Variants in KCNJ6 observed in about 807,000 individuals in gnomAD.
KCNJ6 encodes potassium inwardly rectifying channel subfamily J member 6.
Under a neutral mutation model 34.2 loss-of-function variants are expected in KCNJ6, and 9 were observed. The observed-to-expected ratio is 0.26, with a 90% confidence interval of 0.16 to 0.46. The LOEUF (loss-of-function observed/expected upper bound fraction) is 0.46, where lower values mean the gene tolerates loss of function less well. KCNJ6 is among the 20% of genes least tolerant of loss of function. KCNJ6 has a pLI of 1.00. For synonymous variants in KCNJ6, 196 were observed against 207.1 expected, an observed-to-expected ratio of 0.95 and a Z score of 0.46; for missense variants, 236 against 531.3, an observed-to-expected ratio of 0.44 and a Z score of 5.46.
rs191740841 is a variant in KCNJ6 at position 37,780,493 on chromosome 21, G to A, written c.25+60165C>T. Among the ~76,000 whole-genome samples the A allele has an allele frequency of 2.6e-5, 4 of 152,038 alleles. No homozygotes were observed. The East Asian group carries it at 7.7e-4, about 29-fold the overall frequency. The stretch of plus-strand genomic sequence containing the variant: ...TAGCTGATAATAATATATCAATACT[G>A]GTTCATCAGTATTGTTACAATCATA... On this transcript the variant is annotated intron_variant, in intron 2 of 3. Coordinates refer to ENST00000609713, the MANE Select transcript of KCNJ6 (RefSeq NM_002240.5).
At chr21:37,850,378 C>G (rs1052739163) in intron 1 of KCNJ6, among the ~76,000 whole-genome samples, 1 of 152,032 alleles carries the variant, frequency 6.6e-6, no homozygotes, top group Admixed American at 6.6e-5. Context: ...ATGAGGTGAG[C>G]AGTAGGTGAG....
intron 1 of KCNJ6, among the ~76,000 whole-genome samples, chr21:37,843,456 T>C (rs911597753): frequency 3.3e-5 from 5 of 152,170 alleles, no homozygotes; most frequent in Admixed American, 1.3e-4. Context: ...AGTTATTCTA[T>C]TGGATGTCTC....
At chr21:37,815,351 T>A (rs936253199) in intron 2 of KCNJ6, among the ~76,000 whole-genome samples, 2 of 152,224 alleles carry the variant, frequency 1.3e-5, no homozygotes, top group Non-Finnish European at 1.5e-5. Flanking sequence ...ATGCATTGCA[T>A]GCCTGTGTCA....
intron 2 of KCNJ6, among the ~76,000 whole-genome samples, chr21:37,718,319 T>C (rs565310543): frequency 1.3e-5 from 2 of 152,352 alleles, no homozygotes; most frequent in African/African-American, 2.4e-5. Flanking sequence ...ACCCATTATA[T>C]ATTTTGTGTC....
chr21:37,655,237 GA>G lies in KCNJ6; in HGVS notation c.947-29754del, dbSNP rs2054457112. ...TGTGTGTGTGTGTGAGAGAGAGAGA[GA>G]GAGAGAGAGAGAGAGAGAGAGAGAG... On this transcript the variant is annotated intron_variant, in intron 3 of 3. Transcript: ENST00000609713. 4.9e-4 allele frequency among the ~76,000 whole-genome samples: 2 copies of G among 4,058 alleles called. 1 individual carries two copies. The highest frequency in any genetic ancestry group is 1.8e-3 in the African/African-American group (2 of 1,118). 2.7% of individuals were successfully genotyped at this position (4,058 alleles called of 152,430 possible). A position where few individuals can be genotyped will look rare whatever the true frequency, so the allele number is the denominator to read the frequency against.
chr21:37,692,340 C>T (rs1333301764), intron 3 of KCNJ6, among the ~76,000 whole-genome samples: 4 of 151,458 alleles, frequency 2.6e-5, no homozygotes, highest in Non-Finnish European at 1.5e-5. Flanking sequence ...TTTTTTCCTT[C>T]AGAATAATTT....
intron 3 of KCNJ6, among the ~76,000 whole-genome samples, chr21:37,642,490 ATGG>A (rs894966662): frequency 5.9e-5 from 9 of 152,194 alleles, no homozygotes; most frequent in African/African-American, 2.2e-4. Flanking sequence ...GGATTCAAAC[ATGG>A]TGGTCAAAGC....
At chr21:37,823,934 A>G (rs73411884) in intron 2 of KCNJ6, among the ~76,000 whole-genome samples, 4,002 of 151,488 alleles carry the variant, frequency 0.026, 142 homozygotes, top group African/African-American at 0.082. Context: ...TATGCATTGT[A>G]TACTTGAAAT....
chr21:37,863,486 G>A (rs2055604918), intron 1 of KCNJ6, among the ~76,000 whole-genome samples: 1 of 152,144 alleles, frequency 6.6e-6, no homozygotes, highest in Admixed American at 6.5e-5. Flanking sequence ...ATTTTTGAGA[G>A]TTTATTCTTC....
chr21:37,886,982 C>T (rs1183269565), intron 1 of KCNJ6, among the ~76,000 whole-genome samples: 1 of 148,722 alleles, frequency 6.7e-6, no homozygotes, highest in African/African-American at 2.5e-5. Context: ...TCTGTTCCGG[C>T]TGACAGACAG....
intron 3 of KCNJ6, among the ~76,000 whole-genome samples, chr21:37,705,267 G>A (rs77586329): frequency 0.017 from 2,609 of 152,324 alleles, 34 homozygotes; most frequent in Middle Eastern, 0.044. Flanking sequence ...ATAGACTGGG[G>A]AAGGGGCAGC....
chr21:37,874,071 A>G (rs926726271), intron 1 of KCNJ6, among the ~76,000 whole-genome samples: 12 of 152,000 alleles, frequency 7.9e-5, no homozygotes, highest in African/African-American at 2.7e-4. Context: ...CTCTGCCTCC[A>G]TCTCTCTTAA....
rs1305816980 is a variant in KCNJ6, at chr21:37,736,423, A to AT, written c.26-21293dup. Among the ~76,000 whole-genome samples the AT allele has an allele frequency of 3.9e-5, 6 of 152,332 alleles. No individual in the cohort carries two copies. In the South Asian group the frequency reaches 1.2e-3, roughly 32 times the overall value. On this transcript the variant is annotated intron_variant, in intron 2 of 3. Transcript: ENST00000609713. ...GGTAATGAGAATGTTTTGGAACATG[A>AT]TGGAGTTGTTGGCTGCACAACATCA... is the stretch of plus-strand genomic sequence containing the variant.
chr21:37,805,919 C>T (rs2055291353), intron 2 of KCNJ6, among the ~76,000 whole-genome samples: 1 of 152,184 alleles, frequency 6.6e-6, no homozygotes, highest in Non-Finnish European at 1.5e-5. Context: ...CAGCATGACC[C>T]TGTTGACATC....
chr21:37,715,083 A>G lies in KCNJ6; in HGVS notation c.74T>C (p.Val25Ala). ...DSMDQDVESP[V>A]AIHQPKLPKQ... ...AGGCAACTTTGGCTGGTGAATGGCC[A>G]CTGGGCTTTCGACGTCCTGATCCAT... is the stretch of plus-strand genomic sequence containing the variant. Residue 25 changes from valine (V) to alanine (A), a missense_variant, in exon 3 of 4, where the codon GTG (valine) becomes GCG (alanine). This residue lies in a region of KCNJ6 where 64 missense variants were observed against 68.9 expected (regional missense o/e 0.93). Transcript: ENST00000609713. The G allele has an allele frequency of 1.2e-6, 2 of 1,614,184 alleles. No individual in the cohort carries two copies. The highest frequency in any genetic ancestry group is 1.7e-6 in the Non-Finnish European group (2 of 1,180,040).
At chr21:37,649,152 AAAG>A (rs2054420529) in intron 3 of KCNJ6, among the ~76,000 whole-genome samples, 3 of 149,058 alleles carry the variant, frequency 2.0e-5, no homozygotes, top group East Asian at 2.0e-4. Flanking sequence ...AAAAAAAAAA[AAAG>A]AAAGAAAAAG....
intron 1 of KCNJ6, among the ~76,000 whole-genome samples, chr21:37,877,167 A>G (rs528123216): frequency 3.0e-4 from 45 of 152,310 alleles, no homozygotes; most frequent in African/African-American, 9.1e-4. Context: ...ACCAACGCCT[A>G]ATTGGGGAAA....
At chr21:37,732,036 A>G (rs2054888259) in intron 2 of KCNJ6, among the ~76,000 whole-genome samples, 1 of 152,222 alleles carries the variant, frequency 6.6e-6, no homozygotes, top group Non-Finnish European at 1.5e-5. Context: ...TAGATGAGGA[A>G]GGGAGATGGC....
intron 3 of KCNJ6, among the ~76,000 whole-genome samples, chr21:37,644,535 T>A (rs1369189793): frequency 6.6e-6 from 1 of 152,154 alleles, no homozygotes; most frequent in Admixed American, 6.5e-5. Flanking sequence ...AATTTACTTG[T>A]TGGAAGGAAA....
Sources: allele counts gnomAD v4.1 joint callset (sites outside exome capture counted in the v4.1 genomes callset), GRCh38; gene constraint gnomAD v4.1.1; regional missense constraint gnomAD v4.1.1; transcripts MANE v1.5; gene names NCBI Gene and HGNC (gene_info 2026-07-23, HGNC 2026-07-21).